Variants in IPO11 observed in about 807,000 individuals in gnomAD.
IPO11 encodes the protein importin 11.
In IPO11, 66 loss-of-function variants were observed where a neutral mutation model predicts 143.2. That is an observed-to-expected ratio of 0.46 (90% CI 0.38 to 0.57). IPO11 has a LOEUF of 0.57. IPO11 is among the 20% of genes least tolerant of loss of function. IPO11 has a pLI of 0.00. For missense variants in IPO11, 1,026 were observed against 1,141.0 expected (o/e 0.90, Z 1.45); for synonymous variants, 385 against 377.8 (o/e 1.02, Z -0.22).
At chr5:62,419,001 T>G (rs1413681033) in intron 1 of IPO11, 1 of 1,548,940 alleles carries the variant, frequency 6.5e-7, no homozygotes, top group South Asian at 1.2e-5. Context: ...GAACATCATA[T>G]GAACAAACCT....
At chr5:62,546,426 C>T (rs1297611450) in intron 24 of IPO11, among the ~76,000 whole-genome samples, 3 of 152,084 alleles carry the variant, frequency 2.0e-5, no homozygotes, top group Non-Finnish European at 4.4e-5. Context: ...AGAAGGGGAA[C>T]ATCACACACT....
intron 28 of IPO11, among the ~76,000 whole-genome samples, chr5:62,596,856 C>T (rs1745245845): frequency 1.3e-5 from 2 of 152,164 alleles, no homozygotes; most frequent in African/African-American, 4.8e-5. Flanking sequence ...CAGACACCAG[C>T]TTTCTCTCTT....
intron 16 of IPO11, among the ~76,000 whole-genome samples, chr5:62,494,782 A>T (rs1741075138): frequency 6.6e-6 from 1 of 152,124 alleles, no homozygotes; most frequent in African/African-American, 2.4e-5. Flanking sequence ...TGAATATATT[A>T]GTGACTTAAT....
At chr5:62,470,186 T>C (rs1219863131) in intron 6 of IPO11, 64 bp from the exon 7 acceptor site, 8 of 1,481,410 alleles carry the variant, frequency 5.4e-6, no homozygotes, top group East Asian at 2.3e-5. Flanking sequence ...TCTGAATCTT[T>C]CTTGTGATTG....
At chr5:62,558,351 T>C (rs1743648754) in intron 26 of IPO11, among the ~76,000 whole-genome samples, 1 of 152,218 alleles carries the variant, frequency 6.6e-6, no homozygotes, top group South Asian at 2.1e-4. Context: ...TAACAATTTT[T>C]GAAGTGTTCA....
At chr5:62,462,251 A>AT (rs1465709004) in intron 5 of IPO11, among the ~76,000 whole-genome samples, 5 of 151,318 alleles carry the variant, frequency 3.3e-5, no homozygotes, top group African/African-American at 9.7e-5. Context: ...ACAGAATAGA[A>AT]TTTTTTTTTA....
rs74440344 is a variant in IPO11 at position 62,514,826 on chromosome 5, C to T, written c.1783-562C>T. Among the ~76,000 whole-genome samples, 553 of 152,282 alleles carry T rather than the reference C, an allele frequency of 3.6e-3. 4 individuals are homozygous for T. The highest frequency in any genetic ancestry group is 5.5e-3 in the Non-Finnish European group (377 of 68,022). On this transcript the variant is annotated intron_variant, in intron 19 of 29. Coordinates refer to ENST00000325324, the MANE Select transcript of IPO11 (RefSeq NM_016338.5). ...AAATGTAAAATCTGATTAACTTAAT[C>T]CATAGTGAGCTTAGCAATTTTATCC...
chr5:62,537,353 C>T, intron 24 of IPO11, 64 bp downstream of exon 24: 3 of 1,078,558 alleles, frequency 2.8e-6, no homozygotes, highest in Non-Finnish European at 4.2e-6. Context: ...TGAAATTGGA[C>T]TTTCATTTGG....
intron 3 of IPO11, chr5:62,443,420 T>C (rs540465899): frequency 0.015 from 2,426 of 162,570 alleles, 26 homozygotes; most frequent in Middle Eastern, 0.02. Context: ...TGTGTGTGTG[T>C]GCGTGTGTGC....
intron 20 of IPO11, among the ~76,000 whole-genome samples, chr5:62,518,994 C>A (rs1254160186): frequency 6.6e-6 from 1 of 152,122 alleles, no homozygotes; most frequent in African/African-American, 2.4e-5. Context: ...CAATTAAGAA[C>A]ATATTGCTAT....
At chr5:62,542,080 T>A (rs1021042395) in intron 24 of IPO11, among the ~76,000 whole-genome samples, 21 of 152,016 alleles carry the variant, frequency 1.4e-4, no homozygotes, top group Non-Finnish European at 2.2e-4. Flanking sequence ...TTTTTTTATT[T>A]TTTTATTTTT....
At chr5:62,536,602 T>C in intron 22 of IPO11, 100 bp from the exon 23 acceptor site, 8 of 1,353,156 alleles carry the variant, frequency 5.9e-6, no homozygotes, top group Non-Finnish European at 7.9e-6. Flanking sequence ...GTTTCTAGAG[T>C]ATGCAAATTA....
chr5:62,417,062 G>A (rs577549294), intron 1 of IPO11, among the ~76,000 whole-genome samples: 1 of 151,700 alleles, frequency 6.6e-6, no homozygotes, highest in South Asian at 2.1e-4. Flanking sequence ...TGAAATATAC[G>A]CTCCTTACCT....
intron 3 of IPO11, among the ~76,000 whole-genome samples, chr5:62,446,885 C>T (rs1347772060): frequency 2.6e-5 from 4 of 151,800 alleles, no homozygotes; most frequent in South Asian, 2.1e-4. Flanking sequence ...AGGAGAATCT[C>T]GAACCTGGGA....
At chr5:62,471,147 TTTA>T (rs1326568903) in intron 7 of IPO11, among the ~76,000 whole-genome samples, 1 of 151,658 alleles carries the variant, frequency 6.6e-6, no homozygotes, top group Non-Finnish European at 1.5e-5. Flanking sequence ...TTTTTTTTTT[TTTA>T]AAATAAATGA....
chr5:62,548,678 C>T (rs889960568), intron 24 of IPO11, among the ~76,000 whole-genome samples: 2 of 152,010 alleles, frequency 1.3e-5, no homozygotes, highest in African/African-American at 4.8e-5. Context: ...TTCTCCTTCC[C>T]AAAAGTATAA....
At chr5:62,436,645 C>T (rs1034355591) in intron 1 of IPO11, among the ~76,000 whole-genome samples, 4 of 152,206 alleles carry the variant, frequency 2.6e-5, no homozygotes, top group East Asian at 3.9e-4. Flanking sequence ...ATGACCCAGC[C>T]CTTAAGATCC....
intron 22 of IPO11, among the ~76,000 whole-genome samples, chr5:62,535,488 CTTTATCCTGAGAT>C (rs1742704400): frequency 6.6e-6 from 1 of 152,098 alleles, no homozygotes; most frequent in Non-Finnish European, 1.5e-5. Flanking sequence ...TAAAGGCCCC[CTTTATCCTGAGAT>C]TTTTATCTTC....
intron 2 of IPO11, among the ~76,000 whole-genome samples, chr5:62,437,902 AT>A (rs1357492500): frequency 6.6e-6 from 1 of 152,260 alleles, no homozygotes; most frequent in Non-Finnish European, 1.5e-5. Flanking sequence ...GGTATAATTA[AT>A]TAACAATATG....
Sources: allele counts gnomAD v4.1 joint callset (sites outside exome capture counted in the v4.1 genomes callset), GRCh38; gene constraint gnomAD v4.1.1; transcripts MANE v1.5; gene names NCBI Gene and HGNC (gene_info 2026-07-23, HGNC 2026-07-21).